Variants in FAF1 observed in about 807,000 individuals in gnomAD.
The protein encoded by FAF1 is FAS-associated factor 1.
A neutral mutation model predicts 92.5 loss-of-function variants in FAF1; 25 were observed. The ratio of observed to expected loss-of-function variants is 0.27; its 90% CI spans 0.20 to 0.38. The LOEUF is 0.38. Ranked by LOEUF, FAF1 falls within the 10% of genes least tolerant of loss-of-function variation. The pLI is 1.00. For synonymous variants in FAF1, 234 were observed against 273.2 expected, an observed-to-expected ratio of 0.86 and a Z score of 1.42; for missense variants, 636 against 793.3, an observed-to-expected ratio of 0.80 and a Z score of 2.38.
chr1:50,588,511 C>T (rs1203132222), intron 9 of FAF1, among the ~76,000 whole-genome samples: 2 of 152,126 alleles, frequency 1.3e-5, no homozygotes, highest in Admixed American at 6.5e-5. Context: ...AGACCTTCAC[C>T]TGTGGGTGTG....
chr1:50,598,177 T>C (rs889583118), intron 8 of FAF1, among the ~76,000 whole-genome samples: 1 of 152,088 alleles, frequency 6.6e-6, no homozygotes, highest in African/African-American at 2.4e-5. Flanking sequence ...ACGCCTGTAG[T>C]CCTTGCTACT....
At chr1:50,886,729 T>A (rs999816176) in intron 1 of FAF1, among the ~76,000 whole-genome samples, 1 of 152,240 alleles carries the variant, frequency 6.6e-6, no homozygotes. Context: ...TATGGCTGCA[T>A]AGTATTCAAT....
intron 8 of FAF1, among the ~76,000 whole-genome samples, chr1:50,600,107 A>T (rs1322458031): frequency 6.6e-6 from 1 of 152,182 alleles, no homozygotes; most frequent in African/African-American, 2.4e-5. Flanking sequence ...TACTTCAAGG[A>T]ACAGGTCTGA....
At chr1:50,867,838 C>T (rs548977356) in intron 1 of FAF1, among the ~76,000 whole-genome samples, 2 of 152,152 alleles carry the variant, frequency 1.3e-5, no homozygotes, top group South Asian at 4.2e-4. Flanking sequence ...GGTACCTACC[C>T]AGAGGGAAAG....
At chr1:50,738,713 G>A (rs1659239522) in intron 6 of FAF1, 150 bp downstream of exon 6, 2 of 576,892 alleles carry the variant, frequency 3.5e-6, no homozygotes, top group South Asian at 2.6e-5. Flanking sequence ...AGAACAAACT[G>A]TTTCAAACCT....
intron 7 of FAF1, among the ~76,000 whole-genome samples, chr1:50,665,846 T>C (rs1319951648): frequency 2.0e-5 from 3 of 152,076 alleles, no homozygotes; most frequent in African/African-American, 7.2e-5. Flanking sequence ...TCTGTATAAG[T>C]ATAGGTACAT....
rs1192731262 is a variant in FAF1 at position 50,846,524 on chromosome 1, GCTGCTTTGAAACATACGATAGAGGTT to G, written c.114+11379_114+11404del. 7 of 497,756 alleles carry G rather than the reference GCTGCTTTGAAACATACGATAGAGGTT, an allele frequency of 1.4e-5. No individual in the cohort carries two copies. The East Asian group carries it at 3.7e-4, about 27-fold the overall frequency. 30.8% of individuals were successfully genotyped at this position (497,756 alleles called of 1,614,324 possible). ...AAAGCCATGCCGCGGCCAGACTGCT[GCTGCTTTGAAACATACGATAGAGGTT>G]CTGATGGAAAAAGGAGCAATAGTGA... On this transcript the variant is annotated intron_variant, in intron 2 of 18. Transcript: ENST00000396153.
chr1:50,879,416 C>A (rs1394521605), intron 1 of FAF1, among the ~76,000 whole-genome samples: 2 of 152,040 alleles, frequency 1.3e-5, no homozygotes, highest in African/African-American at 4.8e-5. Flanking sequence ...CAGAAATTCA[C>A]AACCTAGTAT....
In FAF1 at chr1:50,787,494, C is replaced by T. The variant is rs1453524641; in HGVS notation, c.367+506G>A. Among the ~76,000 whole-genome samples the T allele has an allele frequency of 2.0e-5, 3 of 152,168 alleles. 1 individual carries two copies. The highest frequency in any genetic ancestry group is 4.8e-5 in the African/African-American group (2 of 41,442). ...CCCACTTAGGCGGATACAGCATCAA[C>T]GTGCCATATTGTAAACAGTGAGCAG... On this transcript the variant is annotated intron_variant, in intron 4 of 18. Transcript: ENST00000396153.
At chr1:50,772,307 A>T (rs771935131) in intron 4 of FAF1, among the ~76,000 whole-genome samples, 8 of 152,344 alleles carry the variant, frequency 5.3e-5, no homozygotes, top group Non-Finnish European at 8.8e-5. Flanking sequence ...CAAAGAACTT[A>T]AGAAAGAATT....
At chr1:50,759,122 T>C (rs1428353750) in intron 4 of FAF1, among the ~76,000 whole-genome samples, 1 of 152,074 alleles carries the variant, frequency 6.6e-6, no homozygotes. Context: ...GTATTTATTA[T>C]TCTTAAATCT....
chr1:50,744,639 G>T, intron 5 of FAF1, 45 bp downstream of exon 5: 2 of 1,252,602 alleles, frequency 1.6e-6, no homozygotes, highest in Non-Finnish European at 2.3e-6. Flanking sequence ...TTAATCAATG[G>T]CATAACTTAA....
chr1:50,713,155 CAAAAAAAAAA>C (rs371395514), intron 6 of FAF1, among the ~76,000 whole-genome samples: 4 of 46,518 alleles, frequency 8.6e-5, no homozygotes, highest in Non-Finnish European at 1.7e-4. Flanking sequence ...GCCAGACCCT[CAAAAAAAAAA>C]AAAAAAAAAA....
intron 5 of FAF1, among the ~76,000 whole-genome samples, chr1:50,740,651 C>T (rs1227567172): frequency 6.6e-6 from 1 of 151,888 alleles, no homozygotes; most frequent in Non-Finnish European, 1.5e-5. Context: ...GACTATAACC[C>T]ACTCGATTAA....
At chr1:50,627,351 C>T (rs1239432897) in intron 8 of FAF1, among the ~76,000 whole-genome samples, 2 of 152,026 alleles carry the variant, frequency 1.3e-5, no homozygotes, top group South Asian at 2.1e-4. Flanking sequence ...AATGAAAAAG[C>T]GTCTCAGGAA....
chr1:50,772,843 G>C (rs913476586), intron 4 of FAF1, among the ~76,000 whole-genome samples: 3 of 152,058 alleles, frequency 2.0e-5, no homozygotes, highest in African/African-American at 7.2e-5. Context: ...ATGTACCCCT[G>C]AACCTAAAAT....
intron 18 of FAF1, among the ~76,000 whole-genome samples, chr1:50,472,184 G>A (rs1481947289): frequency 1.3e-5 from 2 of 151,984 alleles, no homozygotes; most frequent in Non-Finnish European, 2.9e-5. Flanking sequence ...TATAGGAGGA[G>A]TAGTGGGGTG....
At chr1:50,811,407 C>A (rs1450789491) in intron 2 of FAF1, among the ~76,000 whole-genome samples, 1 of 152,012 alleles carries the variant, frequency 6.6e-6, no homozygotes, top group African/African-American at 2.4e-5. Flanking sequence ...TTTCTATATA[C>A]CTACAATGTC....
intron 1 of FAF1, among the ~76,000 whole-genome samples, chr1:50,927,541 C>CA (rs988313885): frequency 6.6e-6 from 1 of 150,586 alleles, no homozygotes; most frequent in Admixed American, 6.6e-5. Flanking sequence ...ACCCTGTCTC[C>CA]AAAAAAAATA....
Sources: allele counts gnomAD v4.1 joint callset (sites outside exome capture counted in the v4.1 genomes callset), GRCh38; gene constraint gnomAD v4.1.1; transcripts MANE v1.5; gene names NCBI Gene and HGNC (gene_info 2026-07-23, HGNC 2026-07-21).